TMEM132D: variants seen among roughly 807,000 people sequenced by gnomAD.
TMEM132D encodes the protein transmembrane protein 132D, also known as mature OL transmembrane protein.
In TMEM132D, 21 loss-of-function variants were observed where a neutral mutation model predicts 62.3. The observed-to-expected ratio is 0.34, with a 90% CI of 0.24 to 0.49. TMEM132D has a LOEUF of 0.49. Among genes scored for constraint, TMEM132D ranks in the 20% least tolerant of loss-of-function variants. The pLI is 0.99. For synonymous variants in TMEM132D, 621 were observed against 575.6 expected, an observed-to-expected ratio of 1.08 and a Z score of -1.13; for missense variants, 1,346 against 1,402.8, an observed-to-expected ratio of 0.96 and a Z score of 0.65.
chr12:129,574,201 T>G (rs1427863243), intron 2 of TMEM132D, among the ~76,000 whole-genome samples: 1 of 151,966 alleles, frequency 6.6e-6, no homozygotes, highest in Non-Finnish European at 1.5e-5. Context: ...GATGGATTAA[T>G]AGATGCAAGA....
rs536504647 is a variant in TMEM132D, at chr12:129,800,438, T to A, written c.80-99740A>T. On this transcript the variant is annotated intron_variant, in intron 1 of 8. Coordinates refer to ENST00000422113, the MANE Select transcript of TMEM132D (RefSeq NM_133448.3). ...ATGATACGCCAGGCCCTGGGCTAGA[T>A]TCAGGTGCTCTGGAGATGAGAGTCC... Among the ~76,000 whole-genome samples the A allele has an allele frequency of 1.4e-3, 214 of 151,788 alleles. No individual in the cohort carries two copies. In the Middle Eastern group the frequency reaches 0.017, roughly 12 times the overall value.
chr12:129,785,180 C>T (rs891157773), intron 1 of TMEM132D, among the ~76,000 whole-genome samples: 5 of 152,116 alleles, frequency 3.3e-5, no homozygotes, highest in African/African-American at 1.2e-4. Context: ...GTCCTAGGGG[C>T]CAGGATTGCA....
intron 2 of TMEM132D, among the ~76,000 whole-genome samples, chr12:129,582,760 AG>A (rs2137127971): frequency 6.6e-6 from 1 of 151,976 alleles, no homozygotes; most frequent in African/African-American, 2.4e-5. Flanking sequence ...CTGTGACTAC[AG>A]GCACCCATCA....
At chr12:129,748,244 T>C (rs894353117) in intron 1 of TMEM132D, among the ~76,000 whole-genome samples, 3 of 152,158 alleles carry the variant, frequency 2.0e-5, no homozygotes, top group African/African-American at 7.2e-5. Flanking sequence ...TGAATTAGGA[T>C]TTTCCAGGTG....
chr12:129,278,851 C>A (rs150266441), intron 4 of TMEM132D, among the ~76,000 whole-genome samples: 3 of 152,160 alleles, frequency 2.0e-5, no homozygotes, highest in Non-Finnish European at 4.4e-5. Flanking sequence ...ATTTAGATAT[C>A]ATTTTCTTCC....
chr12:129,481,929 C>T (rs1234641002), intron 3 of TMEM132D, among the ~76,000 whole-genome samples: 1 of 152,198 alleles, frequency 6.6e-6, no homozygotes, highest in Non-Finnish European at 1.5e-5. Flanking sequence ...GTGAGGCCTG[C>T]GTTGGCCGCT....
intron 2 of TMEM132D, among the ~76,000 whole-genome samples, chr12:129,659,108 C>T (rs918054307): frequency 3.3e-5 from 5 of 151,794 alleles, no homozygotes; most frequent in Non-Finnish European, 5.9e-5. Context: ...GATGGGGTTT[C>T]GTCATGTTGT....
chr12:129,539,787 A>G (rs371510050), intron 2 of TMEM132D, among the ~76,000 whole-genome samples: 2 of 152,170 alleles, frequency 1.3e-5, no homozygotes, highest in East Asian at 3.9e-4. Flanking sequence ...TATATTAAAC[A>G]TGCTGCTTTG....
chr12:129,864,877 G>C (rs903748788), intron 1 of TMEM132D, among the ~76,000 whole-genome samples: 1 of 152,100 alleles, frequency 6.6e-6, no homozygotes, highest in African/African-American at 2.4e-5. Flanking sequence ...GAGTGCAATG[G>C]CTAGGTCTTA....
intron 1 of TMEM132D, among the ~76,000 whole-genome samples, chr12:129,833,606 C>A (rs1593180214): frequency 6.6e-6 from 1 of 152,216 alleles, no homozygotes; most frequent in Non-Finnish European, 1.5e-5. Flanking sequence ...GCCTGGGCAA[C>A]AGAGCAAGAC....
Position 129,889,228 on chromosome 12 carries a change from G to A in TMEM132D, c.79+14033C>T, listed in dbSNP as rs766477507. Among the ~76,000 whole-genome samples, 39 of 152,042 alleles carry A rather than the reference G, an allele frequency of 2.6e-4. 1 individual carries two copies. The highest frequency in any genetic ancestry group is 2.9e-5 in the Non-Finnish European group (2 of 68,008). On this transcript the variant is annotated intron_variant, in intron 1 of 8. Transcript: ENST00000422113. ...GAATCTCAGTTAAGTGAACAAATAC[G>A]TCTCCTTTTGACTGGTAGTGTTGAC...
chr12:129,188,520 G>A (rs1878281402), intron 5 of TMEM132D, among the ~76,000 whole-genome samples: 1 of 152,196 alleles, frequency 6.6e-6, no homozygotes, highest in Non-Finnish European at 1.5e-5. Context: ...AATATGGCAT[G>A]CTGGCTTCAT....
chr12:129,222,539 A>G (rs1359076396), intron 4 of TMEM132D, among the ~76,000 whole-genome samples: 2 of 152,128 alleles, frequency 1.3e-5, no homozygotes, highest in Non-Finnish European at 2.9e-5. Flanking sequence ...GATCAATGAA[A>G]TTTTATCTCT....
intron 5 of TMEM132D, among the ~76,000 whole-genome samples, chr12:129,128,400 G>A (rs1464499687): frequency 6.6e-6 from 1 of 152,172 alleles, no homozygotes; most frequent in Non-Finnish European, 1.5e-5. Flanking sequence ...AAGGTGAAGA[G>A]GAAGCAAGGT....
At chr12:129,302,411 G>A (rs1038939379) in intron 4 of TMEM132D, among the ~76,000 whole-genome samples, 6 of 152,230 alleles carry the variant, frequency 3.9e-5, no homozygotes, top group East Asian at 1.9e-4. Flanking sequence ...CACCACGCCC[G>A]GCCTCTGCCA....
intron 5 of TMEM132D, among the ~76,000 whole-genome samples, chr12:129,154,808 G>A (rs899673251): frequency 1.1e-4 from 16 of 152,232 alleles, no homozygotes; most frequent in Admixed American, 9.1e-4. Flanking sequence ...AGTTCTAGAA[G>A]CTTGAAATGT....
chr12:129,481,463 CAAAA>C (rs60589482), intron 3 of TMEM132D, among the ~76,000 whole-genome samples: 3 of 103,052 alleles, frequency 2.9e-5, no homozygotes, highest in Admixed American at 1.0e-4. Context: ...ACCCTGTCTC[CAAAA>C]AAAAAAAAAA....
intron 4 of TMEM132D, among the ~76,000 whole-genome samples, chr12:129,213,288 T>C (rs1430312264): frequency 6.6e-6 from 1 of 151,612 alleles, no homozygotes; most frequent in Non-Finnish European, 1.5e-5. Flanking sequence ...AACCCAGGAG[T>C]TCGAGACCAG....
At chr12:129,285,298 T>C (rs1269071520) in intron 4 of TMEM132D, among the ~76,000 whole-genome samples, 1 of 151,354 alleles carries the variant, frequency 6.6e-6, no homozygotes, top group Non-Finnish European at 1.5e-5. Flanking sequence ...GTAGGTGGAT[T>C]GCTTGGGGTC....
Sources: gnomAD v4.1 joint callset for allele counts (sites outside exome capture counted in the v4.1 genomes callset) on GRCh38, gnomAD v4.1.1 for gene constraint, MANE v1.5 for transcripts, NCBI Gene and HGNC (gene_info 2026-07-23, HGNC 2026-07-21) for gene names.